The following FOXO3 variants were observed in gnomAD, a reference collection of about 807,000 sequenced individuals.
The protein encoded by FOXO3 is forkhead box O3.
Under a neutral mutation model 41.9 loss-of-function variants are expected in FOXO3, and 4 were observed. The observed-to-expected ratio is 0.10, with a 90% CI of 0.05 to 0.22. FOXO3 has a LOEUF of 0.22. Among genes scored for constraint, FOXO3 ranks in the 10% least tolerant of loss-of-function variants. The pLI is 1.00. For synonymous variants in FOXO3, 318 were observed against 389.3 expected (o/e 0.82, Z 2.16); for missense variants, 534 against 906.8 (o/e 0.59, Z 5.28).
rs554572043 is a variant in FOXO3, at chr6:108,574,654, A to G, written c.621+12825A>G. Among the ~76,000 whole-genome samples the G allele has an allele frequency of 2.6e-5, 4 of 152,262 alleles. No homozygotes were observed. The South Asian group carries it at 8.3e-4, about 32-fold the overall frequency. Reference sequence around the variant, plus strand: ...GAGACAGAAAATGTTGCATAATGCAAGTTGCTGGCCAGGTTAGTGTTTATC... The same window carrying G: ...GAGACAGAAAATGTTGCATAATGCAGGTTGCTGGCCAGGTTAGTGTTTATC... On this transcript the variant is annotated intron_variant, in intron 1 of 2. Transcript: ENST00000406360.
chr6:108,626,468 A>G (rs1777816503), intron 1 of FOXO3, among the ~76,000 whole-genome samples: 1 of 152,228 alleles, frequency 6.6e-6, no homozygotes, highest in African/African-American at 2.4e-5. Flanking sequence ...GCCATGTATC[A>G]GAGAGAGACA....
intron 1 of FOXO3, among the ~76,000 whole-genome samples, chr6:108,593,083 G>A (rs187026400): frequency 9.2e-5 from 14 of 152,326 alleles, no homozygotes; most frequent in African/African-American, 3.4e-4. Flanking sequence ...TGTCTAGTCA[G>A]TGTTAGCCTG....
chr6:108,637,750 T>C (rs1778156342), intron 1 of FOXO3, among the ~76,000 whole-genome samples: 1 of 152,172 alleles, frequency 6.6e-6, no homozygotes, highest in Non-Finnish European at 1.5e-5. Flanking sequence ...TCTTCTCTAG[T>C]AGCTTTTTGG....
intron 2 of FOXO3, among the ~76,000 whole-genome samples, chr6:108,674,433 T>C (rs1055756277): frequency 2.0e-5 from 3 of 152,242 alleles, no homozygotes; most frequent in Non-Finnish European, 2.9e-5. Flanking sequence ...TACCAGACAG[T>C]GCTCTTAAAG....
At chr6:108,578,106 A>G (rs1000847447) in intron 1 of FOXO3, among the ~76,000 whole-genome samples, 23 of 152,200 alleles carry the variant, frequency 1.5e-4, no homozygotes, top group African/African-American at 5.1e-4. Context: ...ATTCCACCAT[A>G]TCCTGATGTT....
At chr6:108,660,395 C>T (rs1413652927) in intron 1 of FOXO3, among the ~76,000 whole-genome samples, 2 of 152,228 alleles carry the variant, frequency 1.3e-5, no homozygotes, top group African/African-American at 4.8e-5. Flanking sequence ...TTTGCCTTAT[C>T]AGATACTCAG....
At chr6:108,600,422 C>T (rs927533008) in intron 1 of FOXO3, among the ~76,000 whole-genome samples, 2 of 151,760 alleles carry the variant, frequency 1.3e-5, no homozygotes, top group African/African-American at 4.8e-5. Context: ...TGGTACACTC[C>T]TGTAATCCCA....
At chr6:108,632,339 TCTCTGTATCTG>T (rs1474249994) in intron 1 of FOXO3, among the ~76,000 whole-genome samples, 1 of 152,120 alleles carries the variant, frequency 6.6e-6, no homozygotes, top group Non-Finnish European at 1.5e-5. Context: ...ACAGCCAGTT[TCTCTGTATCTG>T]AGAGACTGCC....
chr6:108,593,926 C>T (rs1183938173), intron 1 of FOXO3, among the ~76,000 whole-genome samples: 1 of 151,794 alleles, frequency 6.6e-6, no homozygotes. Context: ...ACCATCTTGG[C>T]AGGGTTGGTC....
intron 1 of FOXO3, among the ~76,000 whole-genome samples, chr6:108,642,089 G>GT (rs5878987): frequency 0.041 from 5,600 of 134,964 alleles, 345 homozygotes; most frequent in African/African-American, 0.13. Context: ...TGCTTTTGGT[G>GT]TTTTTTTTTT....
Position 108,656,338 on chromosome 6 carries a change from G to T in FOXO3, c.622-7117G>T. 3 of 985,080 alleles carry T rather than the reference G, an allele frequency of 3.0e-6. No individual in the cohort carries two copies. The South Asian group carries it at 1.4e-4, about 46-fold the overall frequency. 61.0% of individuals were successfully genotyped at this position (985,080 alleles called of 1,614,324 possible). A position where few individuals can be genotyped will look rare whatever the true frequency, so the allele number is the denominator to read the frequency against. On this transcript the variant is annotated intron_variant, in intron 1 of 2. Transcript: ENST00000406360. ...TCCAGGGGAAGCACATGCAGCTGGT[G>T]TCTGGGTGAGTGGACAGTCTCCACA...
chr6:108,604,459 C>T (rs976504460), intron 1 of FOXO3, among the ~76,000 whole-genome samples: 1 of 152,012 alleles, frequency 6.6e-6, no homozygotes, highest in Non-Finnish European at 1.5e-5. Context: ...AATTTAACAG[C>T]GACGTGCCTT....
chr6:108,674,244 G>C (rs994792494), intron 2 of FOXO3, among the ~76,000 whole-genome samples: 2 of 152,200 alleles, frequency 1.3e-5, no homozygotes, highest in Non-Finnish European at 2.9e-5. Flanking sequence ...GCAATGAAAG[G>C]ATGCTGAGTG....
intron 1 of FOXO3, among the ~76,000 whole-genome samples, chr6:108,638,652 T>G (rs1778177004): frequency 6.6e-6 from 1 of 152,128 alleles, no homozygotes; most frequent in African/African-American, 2.4e-5. Flanking sequence ...GCCCCAGCAG[T>G]TTTCAAGGCA....
chr6:108,582,244 C>T (rs1185246065), intron 1 of FOXO3, among the ~76,000 whole-genome samples: 1 of 152,116 alleles, frequency 6.6e-6, no homozygotes, highest in Non-Finnish European at 1.5e-5. Flanking sequence ...AATCTAGGGA[C>T]CATCCTAAAC....
chr6:108,660,904 C>A (rs1207355761), intron 1 of FOXO3, among the ~76,000 whole-genome samples: 1 of 151,894 alleles, frequency 6.6e-6, no homozygotes, highest in African/African-American at 2.4e-5. Context: ...ACTAAAAATA[C>A]AAAAAATTAG....
intron 1 of FOXO3, among the ~76,000 whole-genome samples, chr6:108,606,797 T>C (rs886445891): frequency 6.6e-6 from 1 of 152,228 alleles, no homozygotes; most frequent in Non-Finnish European, 1.5e-5. Flanking sequence ...TAAAGCCTTA[T>C]GTATTCTAGC....
chr6:108,560,004 GA>G (rs1043270636), upstream of FOXO3: 5 of 151,994 alleles, frequency 3.3e-5, no homozygotes, highest in African/African-American at 1.2e-4. Flanking sequence ...TCCCTGAAGG[GA>G]AGGAAGCGAG....
intron 1 of FOXO3, among the ~76,000 whole-genome samples, chr6:108,628,392 G>A (rs1234387952): frequency 6.6e-6 from 1 of 152,196 alleles, no homozygotes; most frequent in Non-Finnish European, 1.5e-5. Context: ...GTCTCTGGCT[G>A]CGCATATTTA....
Sources: allele counts gnomAD v4.1 joint callset (sites outside exome capture counted in the v4.1 genomes callset), GRCh38; gene constraint gnomAD v4.1.1; transcripts MANE v1.5; gene names NCBI Gene and HGNC (gene_info 2026-07-23, HGNC 2026-07-21).